MYCT1: variants seen among roughly 807,000 people sequenced by gnomAD.
MYCT1 encodes the protein myc target protein 1.
In MYCT1, 12 loss-of-function variants were observed where a neutral mutation model predicts 15.0. That is an observed-to-expected ratio of 0.80 (90% CI 0.51 to 1.29). The LOEUF (loss-of-function observed/expected upper bound fraction) is 1.29, where lower values mean the gene tolerates loss of function less well. Ranked by LOEUF, MYCT1 falls within the 50% of genes most tolerant of loss-of-function variation. The pLI is 0.00. For missense variants in MYCT1, 287 were observed against 279.1 expected (o/e 1.03, Z -0.20); for synonymous variants, 104 against 102.7 (o/e 1.01, Z -0.07).
the MYCT1 span, among the ~76,000 whole-genome samples, chr6:152,730,605 G>A: frequency 6.6e-6 from 1 of 152,072 alleles, no homozygotes; most frequent in African/African-American, 2.4e-5. Context: ...TGGATTTTGC[G>A]AGTGGGAAGC....
intron 1 of MYCT1, among the ~76,000 whole-genome samples, chr6:152,718,741 A>G (rs1307500755): frequency 6.6e-6 from 1 of 152,142 alleles, no homozygotes; most frequent in Non-Finnish European, 1.5e-5. Context: ...GTAATCTTTA[A>G]ATACTTTCAT....
the MYCT1 span, among the ~76,000 whole-genome samples, chr6:152,735,808 C>G: frequency 6.6e-6 from 1 of 151,984 alleles, no homozygotes; most frequent in Admixed American, 6.6e-5. Context: ...TTGATGAGAT[C>G]AGGCACACTC....
the MYCT1 span, among the ~76,000 whole-genome samples, chr6:152,744,810 G>A: frequency 2.0e-5 from 3 of 152,206 alleles, no homozygotes; most frequent in Admixed American, 2.0e-4. Flanking sequence ...CAGTGAAGAA[G>A]AGCAGAGAGG....
chr6:152,742,826 T>C, the MYCT1 span, among the ~76,000 whole-genome samples: 17 of 152,240 alleles, frequency 1.1e-4, no homozygotes, highest in South Asian at 3.1e-3. Flanking sequence ...TACACATAAG[T>C]ATGATTGTCA....
At chr6:152,740,841 C>G in the MYCT1 span, among the ~76,000 whole-genome samples, 3 of 152,074 alleles carry the variant, frequency 2.0e-5, no homozygotes, top group African/African-American at 7.2e-5. Context: ...TAGCCATAAG[C>G]ACATTCTTAA....
At chr6:152,729,074 A>T (rs1253886357), downstream of MYCT1, among the ~76,000 whole-genome samples, 1 of 152,216 alleles carries the variant, frequency 6.6e-6, no homozygotes, top group Non-Finnish European at 1.5e-5. Context: ...CAAAACTGTC[A>T]TCTCTCTGAA....
intron 1 of MYCT1, among the ~76,000 whole-genome samples, chr6:152,706,571 G>A (rs2099722312): frequency 6.6e-6 from 1 of 152,052 alleles, no homozygotes; most frequent in Non-Finnish European, 1.5e-5. Context: ...GACAACTTTT[G>A]TGTAATAAAA....
intron 1 of MYCT1, among the ~76,000 whole-genome samples, chr6:152,719,967 C>T (rs1490270562): frequency 6.6e-6 from 1 of 152,120 alleles, no homozygotes; most frequent in Non-Finnish European, 1.5e-5. Context: ...ACAATCCACC[C>T]CCAAACATAG....
At chr6:152,731,356 C>T in the MYCT1 span, among the ~76,000 whole-genome samples, 2 of 151,956 alleles carry the variant, frequency 1.3e-5, no homozygotes, top group African/African-American at 2.4e-5. Flanking sequence ...TAGCTCAAAG[C>T]GGTTTTAGTT....
chr6:152,717,278 G>C (rs1025119415), intron 1 of MYCT1, among the ~76,000 whole-genome samples: 2 of 152,130 alleles, frequency 1.3e-5, no homozygotes, highest in East Asian at 3.8e-4. Flanking sequence ...GGACTTAAGG[G>C]AGCTTAAGAA....
chr6:152,713,355 TG>T (rs763953726), intron 1 of MYCT1, among the ~76,000 whole-genome samples: 3 of 152,138 alleles, frequency 2.0e-5, no homozygotes, highest in Non-Finnish European at 4.4e-5. Flanking sequence ...TTAAAATTTT[TG>T]TCTGCTAATT....
At chr6:152,716,070 C>G (rs1417700519) in intron 1 of MYCT1, among the ~76,000 whole-genome samples, 2 of 152,148 alleles carry the variant, frequency 1.3e-5, no homozygotes, top group Non-Finnish European at 2.9e-5. Context: ...ATGGCAAGGA[C>G]AGAAGCAGGA....
the MYCT1 span, among the ~76,000 whole-genome samples, chr6:152,738,001 G>A: frequency 6.6e-6 from 1 of 151,846 alleles, no homozygotes; most frequent in East Asian, 1.9e-4. Context: ...AATAATTTAA[G>A]GAAAGCAAAA....
rs758355880 is a variant in MYCT1 at position 152,698,052 on chromosome 6, TAATAACACAACA to T, written c.152_163del (p.Asn51_Thr54del). ...TTCTATTTCTTGTGGATATTATGGC[TAATAACACAACA>T]AGTTTAGGGAGTCCATGGCCAGAAA... is the stretch of plus-strand genomic sequence containing the variant. On this transcript the variant is annotated inframe_deletion, in exon 1 of 2. Coordinates refer to ENST00000367245, the MANE Select transcript of MYCT1 (RefSeq NM_025107.3). 9 of 1,605,366 alleles carry T rather than the reference TAATAACACAACA, an allele frequency of 5.6e-6. No homozygotes were observed. In the African/African-American group the frequency reaches 1.2e-4, roughly 22 times the overall value.
the MYCT1 span, among the ~76,000 whole-genome samples, chr6:152,746,679 G>T: frequency 3.9e-5 from 6 of 152,168 alleles, no homozygotes; most frequent in Non-Finnish European, 7.4e-5. Flanking sequence ...CCACATCTTA[G>T]TATTGTGTGT....
intron 1 of MYCT1, among the ~76,000 whole-genome samples, chr6:152,700,742 C>T (rs992550112): frequency 9.9e-5 from 15 of 152,276 alleles, no homozygotes; most frequent in African/African-American, 3.4e-4. Flanking sequence ...GAGACAAATA[C>T]TGAACTCAGT....
intron 1 of MYCT1, among the ~76,000 whole-genome samples, chr6:152,702,061 C>T (rs1394049526): frequency 2.0e-5 from 3 of 152,106 alleles, no homozygotes; most frequent in Non-Finnish European, 4.4e-5. Flanking sequence ...GTACCAGTTC[C>T]TCTGGGATTC....
At chr6:152,744,164 A>T in the MYCT1 span, among the ~76,000 whole-genome samples, 7 of 151,892 alleles carry the variant, frequency 4.6e-5, no homozygotes, top group Non-Finnish European at 8.8e-5. Flanking sequence ...CCTGGAGGGG[A>T]CTCGAGGAGC....
chr6:152,720,445 TCA>T (rs1272787276), intron 1 of MYCT1, among the ~76,000 whole-genome samples: 1 of 152,052 alleles, frequency 6.6e-6, no homozygotes, highest in African/African-American at 2.4e-5. Context: ...TTCCCCAGTC[TCA>T]CAACACCCAT....
Sources: allele counts gnomAD v4.1 joint callset (sites outside exome capture counted in the v4.1 genomes callset), GRCh38; gene constraint gnomAD v4.1.1; transcripts MANE v1.5; gene names NCBI Gene and HGNC (gene_info 2026-07-23, HGNC 2026-07-21).